The following TENM3 variants were observed in gnomAD, a reference collection of about 807,000 sequenced individuals.
TENM3 encodes teneurin transmembrane protein 3, also known as teneurin-3.
In TENM3, 63 loss-of-function variants were observed where a neutral mutation model predicts 255.1. The ratio of observed to expected loss-of-function variants is 0.25; its 90% CI spans 0.20 to 0.30. The LOEUF (loss-of-function observed/expected upper bound fraction) is 0.30, where lower values mean the gene tolerates loss of function less well. Among genes scored for constraint, TENM3 ranks in the 10% least tolerant of loss-of-function variants. The pLI is 1.00. For synonymous variants in TENM3, 1,306 were observed against 1,322.3 expected, an observed-to-expected ratio of 0.99 and a Z score of 0.27; for missense variants, 2,929 against 3,461.1, an observed-to-expected ratio of 0.85 and a Z score of 3.86.
At chr4:182,433,791 G>A (rs1044973977) in intron 3 of TENM3, among the ~76,000 whole-genome samples, 1 of 152,166 alleles carries the variant, frequency 6.6e-6, no homozygotes, top group Non-Finnish European at 1.5e-5. Context: ...AGATATCTAG[G>A]ATAGTTATAA....
At chr4:181,476,832 C>G in the TENM3 span, among the ~76,000 whole-genome samples, 12,073 of 152,190 alleles carry the variant, frequency 0.079, 633 homozygotes, top group Middle Eastern at 0.19. Flanking sequence ...GCCCTTTCTA[C>G]CTTGGAAGTT....
the TENM3 span, among the ~76,000 whole-genome samples, chr4:181,911,088 C>T: frequency 6.6e-6 from 1 of 152,118 alleles, no homozygotes; most frequent in African/African-American, 2.4e-5. Flanking sequence ...AATCATTTTT[C>T]ATGTTTAACC....
At chr4:181,726,248 A>G in the TENM3 span, among the ~76,000 whole-genome samples, 1 of 152,220 alleles carries the variant, frequency 6.6e-6, no homozygotes, top group African/African-American at 2.4e-5. Context: ...TATATGCTAA[A>G]TGAGGTCCCT....
At chr4:181,704,320 A>G in the TENM3 span, among the ~76,000 whole-genome samples, 3 of 152,152 alleles carry the variant, frequency 2.0e-5, no homozygotes, top group African/African-American at 7.2e-5. Flanking sequence ...TGCAAAGTCA[A>G]AGAACTTACC....
At chr4:182,612,557 A>G (rs1027406276) in intron 4 of TENM3, among the ~76,000 whole-genome samples, 1 of 152,204 alleles carries the variant, frequency 6.6e-6, no homozygotes, top group Non-Finnish European at 1.5e-5. Context: ...ATATGTAATT[A>G]AATAGAGTTT....
At chr4:182,086,271 T>C in the TENM3 span, among the ~76,000 whole-genome samples, 4,867 of 152,218 alleles carry the variant, frequency 0.032, 149 homozygotes, top group East Asian at 0.1. Context: ...AGACACGGCA[T>C]CTCAGACACT....
chr4:182,731,694 G>GGTGTGTGTGTGT (rs70956536), intron 16 of TENM3, among the ~76,000 whole-genome samples: 3 of 124,682 alleles, frequency 2.4e-5, no homozygotes, highest in Non-Finnish European at 5.2e-5. Context: ...TGGGTGTTGG[G>GGTGTGTGTGTGT]GTGTGTGTGT....
chr4:181,968,108 G>A, the TENM3 span, among the ~76,000 whole-genome samples: 2 of 152,018 alleles, frequency 1.3e-5, no homozygotes, highest in Non-Finnish European at 2.9e-5. Context: ...GCCCAGATTG[G>A]GTCCCCACAA....
chr4:182,425,412 A>G (rs1206577048), intron 3 of TENM3, among the ~76,000 whole-genome samples: 2 of 152,240 alleles, frequency 1.3e-5, no homozygotes, highest in African/African-American at 4.8e-5. Context: ...ACAAATCTTC[A>G]GATAATCTCC....
At chr4:181,649,004 C>CAGG in the TENM3 span, among the ~76,000 whole-genome samples, 1 of 152,186 alleles carries the variant, frequency 6.6e-6, no homozygotes, top group South Asian at 2.1e-4. Flanking sequence ...AGAGCTGGTG[C>CAGG]AGGTGCACTT....
At chr4:182,253,077 G>A (rs576010712) in intron 1 of TENM3, among the ~76,000 whole-genome samples, 2 of 152,292 alleles carry the variant, frequency 1.3e-5, no homozygotes, top group East Asian at 3.9e-4. Flanking sequence ...AAACAATAGA[G>A]GCTTTATCTC....
chr4:181,726,215 G>T, the TENM3 span, among the ~76,000 whole-genome samples: 1 of 151,554 alleles, frequency 6.6e-6, no homozygotes, highest in East Asian at 1.9e-4. Context: ...AAAATAAAAC[G>T]CACATAATTT....
chr4:181,681,928 T>C, the TENM3 span, among the ~76,000 whole-genome samples: 1 of 152,180 alleles, frequency 6.6e-6, no homozygotes, highest in Non-Finnish European at 1.5e-5. Flanking sequence ...TCCAGTGGAC[T>C]GTGTTCTAAT....
At chr4:182,723,698 T>A (rs894349424) in intron 13 of TENM3, among the ~76,000 whole-genome samples, 2 of 152,148 alleles carry the variant, frequency 1.3e-5, no homozygotes, top group Non-Finnish European at 2.9e-5. Flanking sequence ...TCAAGAGTGA[T>A]GTGTAAAGTA....
chr4:182,529,241 A>C (rs1739533855), intron 3 of TENM3, among the ~76,000 whole-genome samples: 1 of 152,178 alleles, frequency 6.6e-6, no homozygotes, highest in Non-Finnish European at 1.5e-5. Context: ...AACATTAGGA[A>C]CGCTGGTGTT....
At chr4:182,621,138 A>G (rs1581125745) in intron 4 of TENM3, among the ~76,000 whole-genome samples, 3 of 151,686 alleles carry the variant, frequency 2.0e-5, no homozygotes, top group South Asian at 4.2e-4. Context: ...CCGAGGTCGC[A>G]CCACTGCACT....
the TENM3 span, among the ~76,000 whole-genome samples, chr4:181,627,380 C>A: frequency 6.6e-6 from 1 of 152,124 alleles, no homozygotes; most frequent in East Asian, 1.9e-4. Context: ...TACATGTGCA[C>A]AATGTGCAGG....
intron 1 of TENM3, among the ~76,000 whole-genome samples, chr4:182,204,007 A>G (rs1281297885): frequency 6.6e-6 from 1 of 152,224 alleles, no homozygotes; most frequent in Non-Finnish European, 1.5e-5. Context: ...TGTCACCATC[A>G]AGGGTAGACA....
At chr4:182,301,446 C>T (rs555546802) in intron 1 of TENM3, among the ~76,000 whole-genome samples, 5 of 152,156 alleles carry the variant, frequency 3.3e-5, no homozygotes, top group African/African-American at 7.2e-5. Flanking sequence ...TGACAGGTAG[C>T]GTGATGAGAT....
Sources: allele counts gnomAD v4.1 joint callset (sites outside exome capture counted in the v4.1 genomes callset), GRCh38; gene constraint gnomAD v4.1.1; transcripts MANE v1.5; gene names NCBI Gene and HGNC (gene_info 2026-07-23, HGNC 2026-07-21).